Variants in MTMR1 observed in about 807,000 individuals in gnomAD.
The protein encoded by MTMR1 is phosphatidylinositol-3-phosphate phosphatase MTMR1.
MTMR1 carries 17 observed loss-of-function variants against 51.6 expected under a neutral mutation model. The observed-to-expected ratio is 0.33, with a 90% CI of 0.23 to 0.49. The LOEUF is 0.49. MTMR1 is among the 20% of genes least tolerant of loss of function. MTMR1 has a pLI of 0.99. For synonymous variants in MTMR1, 201 were observed against 205.6 expected, an observed-to-expected ratio of 0.98 and a Z score of 0.19; for missense variants, 386 against 526.9, an observed-to-expected ratio of 0.73 and a Z score of 2.62.
At chrX:150,705,196 A>G (rs1299329294) in intron 2 of MTMR1, among the ~76,000 whole-genome samples, 1 of 112,352 alleles carries the variant, frequency 8.9e-6, no homozygotes, top group Non-Finnish European at 1.9e-5. Flanking sequence ...TGAATAACAG[A>G]GATAAATGAA....
Position 150,744,464 on chromosome X carries a change from T to G in MTMR1, c.1566+11T>G, listed in dbSNP as rs782684258. ...CAAATGACAAGGCAGGTGAGAGATT[T>G]CAAGTATATTTCTATATAGTCTTTG... On this transcript the variant is annotated intron_variant, in intron 13 of 15. Coordinates refer to ENST00000445323, the MANE Select transcript of MTMR1 (RefSeq NM_001306144.3). The G allele has an allele frequency of 8.6e-7, 1 of 1,157,674 alleles. No homozygotes were observed. The highest frequency in any genetic ancestry group is 3.0e-5 in the East Asian group (1 of 33,635).
intron 15 of MTMR1, among the ~76,000 whole-genome samples, chrX:150,760,327 T>G (rs1603275877): frequency 9.2e-5 from 8 of 86,544 alleles, no homozygotes; most frequent in Admixed American, 1.2e-4. Flanking sequence ...GGGGAGGGAG[T>G]GCAGGGGGGT....
chrX:150,754,965 G>T (rs1482159906), intron 14 of MTMR1, among the ~76,000 whole-genome samples: 1 of 104,884 alleles, frequency 9.5e-6, no homozygotes, highest in Non-Finnish European at 1.9e-5. Flanking sequence ...GGCAGACATT[G>T]CAGTGAGCTG....
In MTMR1 at chrX:150,718,608, T is replaced by TGCCAGGGGG; in HGVS notation, c.277-17_277-16insGCCAGGGGG. 1 of 777,108 alleles carries TGCCAGGGGG rather than the reference T, an allele frequency of 1.3e-6. No homozygotes were observed. The highest frequency in any genetic ancestry group is 1.7e-6 in the Non-Finnish European group (1 of 596,806). The allele number at this position is 777,108 out of a possible 1,213,427, so 64.0% of individuals were successfully genotyped here. A position where few individuals can be genotyped will look rare whatever the true frequency, so the allele number is the denominator to read the frequency against. On this transcript the variant is annotated splice_polypyrimidine_tract_variant and intron_variant, in intron 3 of 15. Transcript: ENST00000445323. ...CCTTTTTTTTTTTTTTTTTTTTTTTTTTTTTTTTTTTGCCAGGCTCTAAGG... is the reference window on the plus strand; with the variant it reads ...CCTTTTTTTTTTTTTTTTTTTTTTTTGCCAGGGGGTTTTTTTTTTTGCCAGGCTCTAAGG...
intron 4 of MTMR1, among the ~76,000 whole-genome samples, chrX:150,720,173 G>A (rs782557721): frequency 4.4e-4 from 49 of 111,750 alleles, no homozygotes; most frequent in African/African-American, 1.6e-3. Flanking sequence ...TCCGTCTAAA[G>A]TATTACTTCA....
intron 4 of MTMR1, among the ~76,000 whole-genome samples, chrX:150,725,884 A>G (rs1882710): frequency 0.11 from 12,686 of 110,987 alleles, 1,069 homozygotes; most frequent in African/African-American, 0.29. Context: ...ACCTCTAACA[A>G]CTTATCACTG....
chrX:150,702,193 A>T (rs1557415967), intron 2 of MTMR1, among the ~76,000 whole-genome samples: 1 of 104,771 alleles, frequency 9.5e-6, no homozygotes, highest in Non-Finnish European at 1.9e-5. Flanking sequence ...AAATGCTGGG[A>T]TTAGAGGTGT....
At chrX:150,711,000 G>A (rs1239420523) in intron 2 of MTMR1, among the ~76,000 whole-genome samples, 1 of 112,264 alleles carries the variant, frequency 8.9e-6, no homozygotes, top group Non-Finnish European at 1.9e-5. Context: ...ATGAAGCTCT[G>A]GGAGACTTAC....
chrX:150,705,271 A>G (rs2041058272), intron 2 of MTMR1, among the ~76,000 whole-genome samples: 1 of 111,574 alleles, frequency 9.0e-6, no homozygotes, highest in African/African-American at 3.3e-5. Flanking sequence ...AAAGTCCCAA[A>G]GGAGAGAGAG....
intron 15 of MTMR1, among the ~76,000 whole-genome samples, chrX:150,756,777 A>T (rs1486032633): frequency 2.7e-5 from 3 of 111,823 alleles, no homozygotes; most frequent in Non-Finnish European, 5.7e-5. Context: ...TGGCCTCCCA[A>T]GTAGCTGGGA....
rs1372173390 is a variant in MTMR1, at chrX:150,718,870, A to T, written c.352+170A>T. 3.6e-5 allele frequency among the ~76,000 whole-genome samples: 4 copies of T among 110,243 alleles called. No homozygotes were observed. In the East Asian group the frequency reaches 8.5e-4, roughly 23 times the overall value. ...AGTGTCATCATGACCTAAGAGATAGAAGACTGCAGAGGATCCCGTTAAGTT... is the reference window on the plus strand; with the variant it reads ...AGTGTCATCATGACCTAAGAGATAGTAGACTGCAGAGGATCCCGTTAAGTT... On this transcript the variant is annotated intron_variant, in intron 4 of 15. Coordinates refer to ENST00000445323, the MANE Select transcript of MTMR1 (RefSeq NM_001306144.3).
intron 6 of MTMR1, among the ~76,000 whole-genome samples, chrX:150,729,354 G>A (rs977298673): frequency 3.6e-5 from 4 of 111,898 alleles, no homozygotes; most frequent in Non-Finnish European, 3.8e-5. Context: ...TAGCTTAGAG[G>A]GAGGGCATGT....
In MTMR1 at chrX:150,693,557, G is replaced by A. The variant is rs1557415629; in HGVS notation, c.27G>A (p.Ala9=). 15 of 759,280 alleles carry A rather than the reference G, an allele frequency of 2.0e-5. No homozygotes were observed. The highest frequency in any genetic ancestry group is 2.3e-5 in the Non-Finnish European group (15 of 643,934). 62.6% of individuals were successfully genotyped at this position (759,280 alleles called of 1,213,427 possible). A position where few individuals can be genotyped will look rare whatever the true frequency, so the allele number is the denominator to read the frequency against. Residue 9 remains alanine (A), a synonymous_variant, in exon 1 of 16, where the codon GCG becomes GCA. Transcript: ENST00000445323. ...TGGACAGGCCGGCGGCGGCGGCGGC[G>A]GCGGGCTGCGAGGGCGGCGGGGGCC... is the stretch of plus-strand genomic sequence containing the variant. MDRPAAAA[A]AGCEGGGGPN...
chrX:150,750,999 A>C (rs781797031), intron 14 of MTMR1, 156 bp downstream of exon 14: 2 of 1,138,982 alleles, frequency 1.8e-6, no homozygotes, highest in East Asian at 6.3e-5. Flanking sequence ...GCCCCACCGC[A>C]TGTGTCTAAC....
chrX:150,758,317 G>A (rs960398167), intron 15 of MTMR1, among the ~76,000 whole-genome samples: 4 of 110,594 alleles, frequency 3.6e-5, no homozygotes, highest in East Asian at 2.9e-4. Context: ...TACTCTCCCC[G>A]CCTCAGTCTG....
chrX:150,693,742 GC>G (rs1473984081), intron 1 of MTMR1, 66 bp downstream of exon 1: 1 of 645,901 alleles, frequency 1.5e-6, no homozygotes. Context: ...CGCGAGGCCA[GC>G]CCGCCCCCTC....
At chrX:150,760,880 T>C (rs2043096541) in intron 15 of MTMR1, among the ~76,000 whole-genome samples, 2 of 104,908 alleles carry the variant, frequency 1.9e-5, no homozygotes, top group Admixed American at 1.0e-4. Flanking sequence ...TGAGCTGAGA[T>C]CGTGCCGCTG....
In MTMR1 at chrX:150,724,487, T is replaced by G. The variant is rs782539598; in HGVS notation, c.353-2728T>G. On this transcript the variant is annotated intron_variant, in intron 4 of 15. Coordinates refer to ENST00000445323, the MANE Select transcript of MTMR1 (RefSeq NM_001306144.3). ...TTAAATTCCTTATAGATGCTGGATA[T>G]TAGACCTTTGTCAGATGCATAGTTT... 1.1e-4 allele frequency among the ~76,000 whole-genome samples: 12 copies of G among 112,125 alleles called. No individual in the cohort carries two copies. The East Asian group carries it at 3.4e-3, about 31-fold the overall frequency.
upstream of MTMR1, chrX:150,693,349 C>T (rs1456420399): frequency 5.1e-6 from 3 of 586,622 alleles, no homozygotes; most frequent in Non-Finnish European, 6.2e-6. Flanking sequence ...CTCCCGCCCC[C>T]CGACCCCCGC....
Sources: allele counts gnomAD v4.1 joint callset (sites outside exome capture counted in the v4.1 genomes callset), GRCh38; gene constraint gnomAD v4.1.1; transcripts MANE v1.5; gene names NCBI Gene and HGNC (gene_info 2026-07-23, HGNC 2026-07-21).